Variants in MB21D2 observed in about 807,000 individuals in gnomAD.
The protein encoded by MB21D2 is Mab-21 domain containing 2, also known as nucleotidyltransferase MB21D2.
MB21D2 carries 9 observed loss-of-function variants against 33.3 expected under a neutral mutation model. The observed-to-expected ratio is 0.27, with a 90% CI of 0.16 to 0.47. MB21D2 has a LOEUF of 0.47. MB21D2 is among the 20% of genes least tolerant of loss of function. MB21D2 has a pLI of 0.99. For synonymous variants in MB21D2, 241 were observed against 236.3 expected (o/e 1.02, Z -0.18); for missense variants, 540 against 624.6 (o/e 0.86, Z 1.44).
intron 1 of MB21D2, among the ~76,000 whole-genome samples, chr3:192,805,266 G>T (rs777354328): frequency 6.6e-6 from 1 of 152,188 alleles, no homozygotes; most frequent in Non-Finnish European, 1.5e-5. Flanking sequence ...TCATAAAGAA[G>T]AATGGGCCTG....
At chr3:192,846,456 G>T (rs1712681671) in intron 1 of MB21D2, among the ~76,000 whole-genome samples, 1 of 151,706 alleles carries the variant, frequency 6.6e-6, no homozygotes, top group Admixed American at 6.6e-5. Context: ...ATTCTTCCTT[G>T]CTCCCCTGCC....
rs1713662837 is a variant in MB21D2 at position 192,883,836 on chromosome 3, T to C, written c.211+33794A>G. Among the ~76,000 whole-genome samples the C allele has an allele frequency of 2.0e-5, 3 of 152,142 alleles. 1 individual carries two copies. Among genetic ancestry groups the C allele is most frequent in the Admixed American group, 2.0e-4 (3 of 15,290 alleles). ...ATCACCTTCATTCTGGCTTCCTTGATTCCCCTTTAGAGACATCTCACTGCC... is the reference window on the plus strand; with the variant it reads ...ATCACCTTCATTCTGGCTTCCTTGACTCCCCTTTAGAGACATCTCACTGCC... On this transcript the variant is annotated intron_variant, in intron 1 of 1. Coordinates refer to ENST00000392452, the MANE Select transcript of MB21D2 (RefSeq NM_178496.4).
At chr3:192,886,651 A>C (rs965721497) in intron 1 of MB21D2, among the ~76,000 whole-genome samples, 1 of 152,110 alleles carries the variant, frequency 6.6e-6, no homozygotes, top group African/African-American at 2.4e-5. Context: ...GTGATTCATA[A>C]GCAATTTATA....
At chr3:192,877,995 A>G (rs1713471729) in intron 1 of MB21D2, among the ~76,000 whole-genome samples, 1 of 151,198 alleles carries the variant, frequency 6.6e-6, no homozygotes, top group Admixed American at 6.7e-5. Flanking sequence ...AAAAAGAAAA[A>G]GAAACACTGA....
At chr3:192,866,016 C>T (rs1342340526) in intron 1 of MB21D2, among the ~76,000 whole-genome samples, 1 of 151,302 alleles carries the variant, frequency 6.6e-6, no homozygotes, top group East Asian at 1.9e-4. Flanking sequence ...CCACTGTACT[C>T]TGGCCTGGGC....
chr3:192,820,878 C>T (rs1173490497), intron 1 of MB21D2, among the ~76,000 whole-genome samples: 3 of 152,176 alleles, frequency 2.0e-5, no homozygotes, highest in Non-Finnish European at 4.4e-5. Context: ...AATCCTCTCA[C>T]CTCAGCCTTT....
intron 1 of MB21D2, among the ~76,000 whole-genome samples, chr3:192,916,098 T>TATATATATATATATA (rs1714458733): frequency 3.4e-4 from 47 of 139,164 alleles, no homozygotes; most frequent in African/African-American, 1.3e-3. Context: ...CTACCAGGTT[T>TATATATATATATATA]TATATATATA....
intron 1 of MB21D2, among the ~76,000 whole-genome samples, chr3:192,907,501 C>G (rs972897673): frequency 6.6e-6 from 1 of 152,078 alleles, no homozygotes; most frequent in Non-Finnish European, 1.5e-5. Context: ...AGAAGACACC[C>G]AATAGCTGGG....
In MB21D2 at chr3:192,890,587, A is replaced by C. The variant is rs1364325628; in HGVS notation, c.211+27043T>G. Among the ~76,000 whole-genome samples the C allele has an allele frequency of 5.7e-5, 7 of 121,778 alleles. No individual in the cohort carries two copies. In the East Asian group the frequency reaches 1.4e-3, roughly 25 times the overall value. The allele number at this position is 121,778 out of a possible 152,430, so 79.9% of individuals were successfully genotyped here. A position where few individuals can be genotyped will look rare whatever the true frequency, so the allele number is the denominator to read the frequency against. On this transcript the variant is annotated intron_variant, in intron 1 of 1. Transcript: ENST00000392452. ...TCTGTTCTGTAAGCAATGATTACAGAAAAAAAAAAAAAAATCCTACCTATA... is the reference window on the plus strand; with the variant it reads ...TCTGTTCTGTAAGCAATGATTACAGCAAAAAAAAAAAAAATCCTACCTATA...
At chr3:192,808,025 G>GGAACCCTT (rs1310138649) in intron 1 of MB21D2, among the ~76,000 whole-genome samples, 1 of 152,118 alleles carries the variant, frequency 6.6e-6, no homozygotes. Context: ...GGTAGAGCAA[G>GGAACCCTT]CCATGTCTAG....
At chr3:192,907,702 A>G (rs1479970325) in intron 1 of MB21D2, among the ~76,000 whole-genome samples, 2 of 152,234 alleles carry the variant, frequency 1.3e-5, no homozygotes, top group Admixed American at 6.5e-5. Flanking sequence ...GCAAAGATAA[A>G]TTAGTATTGA....
chr3:192,862,522 G>A (rs1324869279), intron 1 of MB21D2, among the ~76,000 whole-genome samples: 1 of 152,166 alleles, frequency 6.6e-6, no homozygotes, highest in East Asian at 1.9e-4. Flanking sequence ...CCATTTAGAG[G>A]AGAGACAGGA....
At chr3:192,838,912 T>C (rs1712510240) in intron 1 of MB21D2, among the ~76,000 whole-genome samples, 1 of 152,140 alleles carries the variant, frequency 6.6e-6, no homozygotes, top group Non-Finnish European at 1.5e-5. Context: ...GTCAAACTAG[T>C]GAATGCCCAT....
Position 192,917,746 on chromosome 3 carries a change from C to T in MB21D2, c.95G>A (p.Arg32Gln), listed in dbSNP as rs1409560434. Reference sequence around the variant, plus strand: ...GATGAGTTTGTTCAATTCCTCCACCCGAGCTCCCGACCTGAAATCCAGCTC... The same window carrying T: ...GATGAGTTTGTTCAATTCCTCCACCTGAGCTCCCGACCTGAAATCCAGCTC... ...FPELDFRSGA[R>Q]VEELNKLIQE... The change falls in exon 1 of 2, where the codon CGG becomes CAG. Residue 32 changes from arginine (R) to glutamine (Q), a missense_variant. By Grantham distance (43) the Arg-to-Gln change is conservative. Coordinates refer to ENST00000392452, the MANE Select transcript of MB21D2 (RefSeq NM_178496.4). 1 of 1,614,090 alleles carries T rather than the reference C, an allele frequency of 6.2e-7. No homozygotes were observed. Among genetic ancestry groups the T allele is most frequent in the South Asian group, 1.1e-5 (1 of 91,068 alleles).
intron 1 of MB21D2, among the ~76,000 whole-genome samples, chr3:192,818,212 C>T (rs531028928): frequency 2.0e-5 from 3 of 152,258 alleles, no homozygotes; most frequent in East Asian, 3.9e-4. Flanking sequence ...TTTTTGAAGA[C>T]AGGAACGGAG....
chr3:192,849,503 A>C (rs1712753223), intron 1 of MB21D2, among the ~76,000 whole-genome samples: 1 of 151,988 alleles, frequency 6.6e-6, no homozygotes, highest in African/African-American at 2.4e-5. Flanking sequence ...TTTTTAGTAG[A>C]GACAGGGTTT....
rs201212046 is a variant in MB21D2 at position 192,799,454 on chromosome 3, G to T, written c.408C>A (p.Leu136=). The change falls in exon 2 of 2, where the codon CTC becomes CTA. Residue 136 remains leucine, a synonymous_variant. Coordinates refer to ENST00000392452, the MANE Select transcript of MB21D2 (RefSeq NM_178496.4). The surrounding 1 kb of genome is among the most constrained non-coding windows in gnomAD (Gnocchi z 4.1). ...GGCACAAGGCTGAGTGGCGCATGTC[G>T]AGTGTCACAGGCTGATTACGGTCAT... ...KLHDRNQPVT[L]DMRHSALCHS... 34 of 1,614,224 alleles carry T rather than the reference G, an allele frequency of 2.1e-5. No homozygotes were observed. In the African/African-American group the frequency reaches 2.9e-4, roughly 14 times the overall value.
intron 1 of MB21D2, among the ~76,000 whole-genome samples, chr3:192,892,190 G>T (rs1167618112): frequency 6.6e-6 from 1 of 152,154 alleles, no homozygotes; most frequent in South Asian, 2.1e-4. Context: ...AACCCCCACT[G>T]CCCGTGAGGC....
chr3:192,915,884 C>A (rs1324080958), intron 1 of MB21D2, among the ~76,000 whole-genome samples: 1 of 152,014 alleles, frequency 6.6e-6, no homozygotes, highest in Non-Finnish European at 1.5e-5. Flanking sequence ...AAATGACCTA[C>A]GCAAGTGACA....
Sources: allele counts gnomAD v4.1 joint callset (sites outside exome capture counted in the v4.1 genomes callset), GRCh38; gene constraint gnomAD v4.1.1; non-coding constraint Gnocchi (gnomAD v3.1); transcripts MANE v1.5; gene names NCBI Gene and HGNC (gene_info 2026-07-23, HGNC 2026-07-21).